CREBBP: variants seen among roughly 807,000 people sequenced by gnomAD.
CREBBP encodes the protein CREB binding lysine acetyltransferase.
CREBBP carries 19 observed loss-of-function variants against 265.0 expected under a neutral mutation model. The observed-to-expected ratio is 0.07, with a 90% CI of 0.05 to 0.11. The LOEUF (loss-of-function observed/expected upper bound fraction) is 0.11, where lower values mean the gene tolerates loss of function less well. Ranked by LOEUF, CREBBP falls within the 10% of genes least tolerant of loss-of-function variation. The probability of loss-of-function intolerance (pLI) is 1.00; values close to 1 mark genes in which losing one functional copy is unlikely to be tolerated. For synonymous variants in CREBBP, 1,457 were observed against 1,223.7 expected (o/e 1.19, Z -3.98); for missense variants, 2,525 against 3,219.0 (o/e 0.78, Z 5.22).
intron 19 of CREBBP, among the ~76,000 whole-genome samples, chr16:3,756,701 G>A (rs893431560): frequency 2.0e-5 from 3 of 152,182 alleles, no homozygotes; most frequent in African/African-American, 7.2e-5. Context: ...ATAGGAAGCA[G>A]CACTCATGCA....
At chr16:3,742,228 T>C (rs183784175) in intron 23 of CREBBP, 13 of 152,416 alleles carry the variant, frequency 8.5e-5, no homozygotes, top group Admixed American at 7.2e-4. Context: ...CACAGGGGTC[T>C]AGGCGCAGGC....
At chr16:3,816,406 G>A (rs1478949157) in intron 2 of CREBBP, among the ~76,000 whole-genome samples, 1 of 152,198 alleles carries the variant, frequency 6.6e-6, no homozygotes, top group Non-Finnish European at 1.5e-5. Flanking sequence ...AAGAAAGAAT[G>A]GGGGTGAAAC....
At chr16:3,760,369 G>A (rs1356581915) in intron 16 of CREBBP, among the ~76,000 whole-genome samples, 1 of 149,540 alleles carries the variant, frequency 6.7e-6, no homozygotes, top group East Asian at 2.0e-4. Flanking sequence ...TGAGATTACG[G>A]GCACTAAGCT....
chr16:3,735,768 G>A (rs1047262423), intron 28 of CREBBP, among the ~76,000 whole-genome samples: 31 of 152,186 alleles, frequency 2.0e-4, no homozygotes, highest in African/African-American at 6.8e-4. Context: ...GTTGTGTCCT[G>A]ACTGCCCCAT....
chr16:3,826,842 A>G (rs2054246292), intron 2 of CREBBP, among the ~76,000 whole-genome samples: 1 of 152,250 alleles, frequency 6.6e-6, no homozygotes, highest in South Asian at 2.1e-4. Flanking sequence ...TATGGACTTC[A>G]GTTAATCACA....
intron 17 of CREBBP, 94 bp downstream of exon 17, chr16:3,758,760 G>A (rs1241573158): frequency 3.1e-6 from 3 of 962,064 alleles, no homozygotes; most frequent in Non-Finnish European, 5.1e-6. Context: ...CTTCAAGGCA[G>A]GGGGATTATT....
At chr16:3,808,080 C>G (rs903732205) in intron 3 of CREBBP, among the ~76,000 whole-genome samples, 3 of 137,016 alleles carry the variant, frequency 2.2e-5, no homozygotes, top group African/African-American at 8.3e-5. Context: ...AGATCAGAGA[C>G]AGACCAAGAA....
chr16:3,786,354 ACT>A (rs1395938985), intron 5 of CREBBP, among the ~76,000 whole-genome samples: 9 of 151,952 alleles, frequency 5.9e-5, no homozygotes, highest in Admixed American at 5.2e-4. Flanking sequence ...CAACAGAGAG[ACT>A]CTGTCTCAAA....
chr16:3,855,560 C>T (rs896692395), intron 1 of CREBBP, among the ~76,000 whole-genome samples: 2 of 152,202 alleles, frequency 1.3e-5, no homozygotes, highest in African/African-American at 2.4e-5. Context: ...CCATTGCACC[C>T]GGCCATAACT....
At chr16:3,815,069 T>TA (rs2054012265) in intron 2 of CREBBP, among the ~76,000 whole-genome samples, 1 of 152,266 alleles carries the variant, frequency 6.6e-6, no homozygotes, top group Non-Finnish European at 1.5e-5. Context: ...CTAGAGATTC[T>TA]AGATTTCTGA....
chr16:3,738,712 C>A (rs1480719850), intron 25 of CREBBP, 40 bp from the exon 26 acceptor site: 3 of 1,304,602 alleles, frequency 2.3e-6, no homozygotes, highest in East Asian at 2.4e-5. Flanking sequence ...GGGTATCCCT[C>A]AAATCTGAAA....
At chr16:3,755,552 G>A (rs946868192) in intron 19 of CREBBP, among the ~76,000 whole-genome samples, 2 of 152,198 alleles carry the variant, frequency 1.3e-5, no homozygotes, top group African/African-American at 4.8e-5. Context: ...TGCGAGGGAA[G>A]ACGCTATTGT....
chr16:3,823,687 G>T (rs2054183568), intron 2 of CREBBP, among the ~76,000 whole-genome samples: 1 of 152,122 alleles, frequency 6.6e-6, no homozygotes, highest in Non-Finnish European at 1.5e-5. Flanking sequence ...CAAAGTTTAG[G>T]CAGCAAGGGA....
At chr16:3,733,341 G>A (rs1436356621) in intron 28 of CREBBP, among the ~76,000 whole-genome samples, 11 of 139,698 alleles carry the variant, frequency 7.9e-5, no homozygotes, top group South Asian at 2.3e-4. Flanking sequence ...CAGCCTGGGC[G>A]ACAGAGCGAG....
At position 3,830,322 on chromosome 16, in the gene CREBBP, G is replaced by A. The variant is rs149157729; in HGVS notation, c.799-19543C>T. On this transcript the variant is annotated intron_variant, in intron 2 of 30. Transcript: ENST00000262367. ...CTGAGGTGGGAGGATCACCTCACCC[G>A]GGGTGGGGGGCAGAGGTTGCAGGGA... Among the ~76,000 whole-genome samples the A allele has an allele frequency of 1.4e-3, 220 of 152,168 alleles. 1 individual carries two copies. Among genetic ancestry groups the A allele is most frequent in the East Asian group, 0.012 (60 of 5,178 alleles).
At chr16:3,803,516 CAACAA>C (rs1360717565) in intron 3 of CREBBP, among the ~76,000 whole-genome samples, 1 of 151,480 alleles carries the variant, frequency 6.6e-6, no homozygotes, top group African/African-American at 2.4e-5. Context: ...ACAACAACAA[CAACAA>C]AAAAAACAAA....
intron 19 of CREBBP, among the ~76,000 whole-genome samples, chr16:3,754,678 A>G (rs2052548817): frequency 6.6e-6 from 1 of 152,236 alleles, no homozygotes; most frequent in South Asian, 2.1e-4. Flanking sequence ...ATCTACAGAT[A>G]CTAACTGGGA....
At chr16:3,855,410 G>A (rs148260940) in intron 1 of CREBBP, among the ~76,000 whole-genome samples, 1,803 of 152,248 alleles carry the variant, frequency 0.012, 11 homozygotes, top group Non-Finnish European at 0.015. Flanking sequence ...GATTACAGGC[G>A]TGCACCACCG....
At chr16:3,791,705 T>C (rs1473878635) in intron 5 of CREBBP, among the ~76,000 whole-genome samples, 1 of 152,190 alleles carries the variant, frequency 6.6e-6, no homozygotes, top group East Asian at 1.9e-4. Context: ...ACAAAGTGAC[T>C]CTGCTGTTCC....
Sources: allele counts gnomAD v4.1 joint callset (sites outside exome capture counted in the v4.1 genomes callset), GRCh38; gene constraint gnomAD v4.1.1; transcripts MANE v1.5; gene names NCBI Gene and HGNC (gene_info 2026-07-23, HGNC 2026-07-21).